MMP16: variants seen among roughly 807,000 people sequenced by gnomAD.
The protein encoded by MMP16 is matrix metalloproteinase-16.
In MMP16, 12 loss-of-function variants were observed where a neutral mutation model predicts 67.8. The observed-to-expected ratio is 0.18, with a 90% CI of 0.11 to 0.29. The LOEUF is 0.29. MMP16 is among the 10% of genes least tolerant of loss of function. The pLI, the probability that MMP16 is intolerant of heterozygous loss-of-function variation, is 1.00. For synonymous variants in MMP16, 249 were observed against 255.9 expected (o/e 0.97, Z 0.26); for missense variants, 475 against 765.7 (o/e 0.62, Z 4.48).
chr8:88,256,548 T>G (rs1334216838), intron 1 of MMP16, among the ~76,000 whole-genome samples: 4 of 152,126 alleles, frequency 2.6e-5, no homozygotes, highest in African/African-American at 9.7e-5. Context: ...TATTTTTGAA[T>G]CAAACCGACT....
rs756919288 is a variant in MMP16, at chr8:88,118,864, G to A, written c.710-3C>T. On this transcript the variant is annotated splice_region_variant and splice_polypyrimidine_tract_variant and intron_variant, in intron 4 of 9. Coordinates refer to ENST00000286614, the MANE Select transcript of MMP16 (RefSeq NM_005941.5). The stretch of plus-strand genomic sequence containing the variant: ...TGCTACAAGAAATAAGTCATTTCCT[G>A]TGTGAACAAGAAGAAAATAAGTTTT... 1.2e-6 allele frequency: 2 copies of A among 1,611,602 alleles called. No individual in the cohort carries two copies. Among genetic ancestry groups the A allele is most frequent in the Admixed American group, 3.4e-5 (2 of 59,538 alleles).
At chr8:88,067,763 T>TA (rs1808482274) in intron 7 of MMP16, among the ~76,000 whole-genome samples, 1 of 152,144 alleles carries the variant, frequency 6.6e-6, no homozygotes, top group South Asian at 2.1e-4. Context: ...CATTCCTTTT[T>TA]ATTGCTGAAT....
chr8:88,200,326 G>T (rs1809322926), intron 1 of MMP16, among the ~76,000 whole-genome samples: 1 of 151,930 alleles, frequency 6.6e-6, no homozygotes, highest in Non-Finnish European at 1.5e-5. Flanking sequence ...TGAGAACACT[G>T]AAAAAATATC....
intron 3 of MMP16, among the ~76,000 whole-genome samples, chr8:88,174,214 T>C (rs1161100877): frequency 6.6e-6 from 1 of 152,184 alleles, no homozygotes; most frequent in African/African-American, 2.4e-5. Context: ...ACTATTATAT[T>C]AACTAATATA....
intron 6 of MMP16, among the ~76,000 whole-genome samples, chr8:88,098,457 C>G (rs760222962): frequency 6.6e-6 from 1 of 151,974 alleles, no homozygotes; most frequent in Non-Finnish European, 1.5e-5. Flanking sequence ...ACCCTATGAT[C>G]CAGTGTCATC....
intron 1 of MMP16, among the ~76,000 whole-genome samples, chr8:88,291,794 G>A (rs1299979072): frequency 1.3e-5 from 2 of 152,136 alleles, no homozygotes; most frequent in African/African-American, 2.4e-5. Context: ...AACATGGGAA[G>A]ATGAAAGAAA....
chr8:88,327,224 T>C lies in MMP16; in HGVS notation c.-18A>G, dbSNP rs931233302. 1 of 1,613,530 alleles carries C rather than the reference T, an allele frequency of 6.2e-7. No homozygotes were observed. The highest frequency in any genetic ancestry group is 8.5e-7 in the Non-Finnish European group (1 of 1,179,660). ...AAGATCATAGTGAACTGTGCTTCAA[T>C]GGATGGACGAGCTCCCCTTCGTTTT... On this transcript the variant is annotated 5_prime_UTR_variant, in exon 1 of 10. Coordinates refer to ENST00000286614, the MANE Select transcript of MMP16 (RefSeq NM_005941.5).
At chr8:88,053,179 G>T (rs1025797435) in intron 8 of MMP16, among the ~76,000 whole-genome samples, 4 of 152,176 alleles carry the variant, frequency 2.6e-5, no homozygotes, top group African/African-American at 9.7e-5. Flanking sequence ...TGTTCATACT[G>T]TCACAGGCAG....
chr8:88,111,171 A>T (rs1809328679), intron 6 of MMP16, among the ~76,000 whole-genome samples: 1 of 151,698 alleles, frequency 6.6e-6, no homozygotes, highest in African/African-American at 2.4e-5. Context: ...GTACCACTAA[A>T]TTGAGAGTTG....
intron 9 of MMP16, among the ~76,000 whole-genome samples, chr8:88,045,642 G>T (rs557928120): frequency 3.3e-5 from 5 of 151,966 alleles, no homozygotes; most frequent in Admixed American, 1.3e-4. Context: ...GAGCCCCCAC[G>T]CCCTGCCAGT....
In MMP16 at chr8:88,116,705, C is replaced by G. The variant is rs1272441346; in HGVS notation, c.885G>C (p.Lys295Asn). Residue 295 changes from lysine to asparagine, a missense_variant, in exon 6 of 10, where the codon AAG becomes AAC. Lys to Asn is a moderately conservative substitution (Grantham distance 94). Around this residue, in one of 5 missense-constraint regions of MMP16, gnomAD observed 195 missense variants for 300.9 expected, o/e 0.65. Coordinates refer to ENST00000286614, the MANE Select transcript of MMP16 (RefSeq NM_005941.5). Reference sequence around the variant, plus strand: ...GTAGAGGTCTTGTAGGTGGAGGAATCTTGTCAGGTGGACCTTTTGAAAATA... The same window carrying G: ...GTAGAGGTCTTGTAGGTGGAGGAATGTTGTCAGGTGGACCTTTTGAAAATA... Reference protein sequence around the residue: ...GIQKIYGPPDKIPPPTRPLPT... With the variant: ...GIQKIYGPPDNIPPPTRPLPT... 8.7e-6 allele frequency: 14 copies of G among 1,613,288 alleles called. No individual in the cohort carries two copies. Among genetic ancestry groups the G allele is most frequent in the Non-Finnish European group, 1.2e-5 (14 of 1,179,672 alleles).
At chr8:88,097,625 C>CAAAAAAAA (rs34488162) in intron 6 of MMP16, among the ~76,000 whole-genome samples, 3 of 67,476 alleles carry the variant, frequency 4.4e-5, no homozygotes, top group African/African-American at 1.2e-4. Context: ...AACCCTGTCT[C>CAAAAAAAA]AAAAAAAAAA....
chr8:88,097,809 T>C (rs367953509), intron 6 of MMP16, among the ~76,000 whole-genome samples: 3 of 151,802 alleles, frequency 2.0e-5, no homozygotes, highest in East Asian at 2.0e-4. Flanking sequence ...TTAATAGTTA[T>C]ACTTAATTTT....
intron 1 of MMP16, among the ~76,000 whole-genome samples, chr8:88,321,515 A>G (rs1305051748): frequency 6.6e-6 from 1 of 152,138 alleles, no homozygotes; most frequent in Non-Finnish European, 1.5e-5. Context: ...CTGCCAATGT[A>G]TTTACTACTC....
At chr8:88,289,543 T>C (rs989651819) in intron 1 of MMP16, among the ~76,000 whole-genome samples, 3 of 152,148 alleles carry the variant, frequency 2.0e-5, no homozygotes, top group African/African-American at 4.8e-5. Context: ...ACACAAAGCA[T>C]TTTTGCAATA....
rs1324698308 is a variant in MMP16, at chr8:88,262,769, G to A, written c.132+64306C>T. On this transcript the variant is annotated intron_variant, in intron 1 of 9. Coordinates refer to ENST00000286614, the MANE Select transcript of MMP16 (RefSeq NM_005941.5). ...TGTAATCCCAGCACTTTGGGAGGCCGAGGCGGGTGAATCACAAGGTCAGGA... is the reference window on the plus strand; with the variant it reads ...TGTAATCCCAGCACTTTGGGAGGCCAAGGCGGGTGAATCACAAGGTCAGGA... Among the ~76,000 whole-genome samples, 16 of 149,056 alleles carry A rather than the reference G, an allele frequency of 1.1e-4. No homozygotes were observed. In the Admixed American group the frequency reaches 1.1e-3, roughly 10 times the overall value.
At chr8:88,077,397 C>T (rs1042426431) in intron 6 of MMP16, among the ~76,000 whole-genome samples, 2 of 152,122 alleles carry the variant, frequency 1.3e-5, no homozygotes, top group African/African-American at 4.8e-5. Flanking sequence ...TGAGACATTC[C>T]CTGACCATGC....
At chr8:88,091,896 C>T (rs1184079366) in intron 6 of MMP16, among the ~76,000 whole-genome samples, 1 of 151,792 alleles carries the variant, frequency 6.6e-6, no homozygotes, top group Non-Finnish European at 1.5e-5. Flanking sequence ...CTGGGTAGCA[C>T]GCAGAGTACC....
At position 88,041,150 on chromosome 8, in the gene MMP16, C is replaced by G. The variant is rs1439748599; in HGVS notation, c.*311G>C. 2 of 240,882 alleles carry G rather than the reference C, an allele frequency of 8.3e-6. No homozygotes were observed. The highest frequency in any genetic ancestry group is 1.6e-5 in the Non-Finnish European group (2 of 126,858). The allele number at this position is 240,882 out of a possible 1,614,324, so 14.9% of individuals were successfully genotyped here. ...AAACTTTTAAGAAGAATCTTTTCTTCTTTTTCTCCTCTTCTTTAGTTAATC... is the reference window on the plus strand; with the variant it reads ...AAACTTTTAAGAAGAATCTTTTCTTGTTTTTCTCCTCTTCTTTAGTTAATC... On this transcript the variant is annotated 3_prime_UTR_variant, in exon 10 of 10. Transcript: ENST00000286614. The surrounding 1 kb of genome is among the most constrained non-coding windows in gnomAD (Gnocchi z 6.0).
Sources: allele counts gnomAD v4.1 joint callset (sites outside exome capture counted in the v4.1 genomes callset), GRCh38; gene constraint gnomAD v4.1.1; regional missense constraint gnomAD v4.1.1; non-coding constraint Gnocchi (gnomAD v3.1); transcripts MANE v1.5; gene names NCBI Gene and HGNC (gene_info 2026-07-23, HGNC 2026-07-21).